The following IKBKB-DT variants were observed in gnomAD, a reference collection of about 807,000 sequenced individuals.
IKBKB-DT encodes IKBKB antisense RNA.
chr8:42,262,498 G>A (rs147555475), intron 3 of IKBKB-DT, among the ~76,000 whole-genome samples: 2,360 of 151,698 alleles, frequency 0.016, 48 homozygotes, highest in African/African-American at 0.055. Context: ...GGAGTACAAC[G>A]GCGCAATCTT....
At chr8:42,262,185 T>A (rs1300263318) in intron 3 of IKBKB-DT, among the ~76,000 whole-genome samples, 7 of 151,850 alleles carry the variant, frequency 4.6e-5, no homozygotes, top group Admixed American at 3.3e-4. Context: ...TAATGCTAGA[T>A]GACAAGTTAG....
At chr8:42,248,214 G>C (rs1807086342) in intron 3 of IKBKB-DT, among the ~76,000 whole-genome samples, 1 of 152,094 alleles carries the variant, frequency 6.6e-6, no homozygotes, top group Non-Finnish European at 1.5e-5. Context: ...TACTATCTCA[G>C]GTATATCTCA....
Position 42,264,974 on chromosome 8 carries a change from C to T in IKBKB-DT, n.1385+641G>A, listed in dbSNP as rs531763203. On this transcript the variant is annotated intron_variant and non_coding_transcript_variant, in intron 2 of 3. Coordinates refer to ENST00000518213, the Ensembl canonical transcript of IKBKB-DT. ...GCCTCCTGGGTTAAAGTGATTCTCC[C>T]GCCTCAGTCTCCCGAGTAACTGGGA... Among the ~76,000 whole-genome samples, 98 of 151,546 alleles carry T rather than the reference C, an allele frequency of 6.5e-4. No individual in the cohort carries two copies. The South Asian group carries it at 0.019, about 30-fold the overall frequency.
intron 3 of IKBKB-DT, among the ~76,000 whole-genome samples, chr8:42,234,996 A>G (rs905708000): frequency 3.3e-5 from 5 of 152,178 alleles, no homozygotes; most frequent in African/African-American, 1.2e-4. Flanking sequence ...ATGAAAGGCC[A>G]CCAAGTTAAG....
chr8:42,249,434 T>TGG (rs1807103103), intron 3 of IKBKB-DT: 1 of 149,640 alleles, frequency 6.7e-6, no homozygotes, highest in African/African-American at 2.6e-5. Flanking sequence ...TGTGTGTGTG[T>TGG]GTGTGTGTGT....
intron 3 of IKBKB-DT, among the ~76,000 whole-genome samples, chr8:42,261,694 A>G (rs1308162512): frequency 6.6e-6 from 1 of 152,184 alleles, no homozygotes; most frequent in Non-Finnish European, 1.5e-5. Context: ...GCAGTCCCCA[A>G]GGCAACTTGG....
chr8:42,244,487 C>A (rs903435782), intron 3 of IKBKB-DT, among the ~76,000 whole-genome samples: 1 of 152,176 alleles, frequency 6.6e-6, no homozygotes, highest in African/African-American at 2.4e-5. Flanking sequence ...ATTCCTTTTA[C>A]TTCTTTTAAT....
chr8:42,260,004 AAGAG>A, intron 3 of IKBKB-DT, among the ~76,000 whole-genome samples: 1 of 151,786 alleles, frequency 6.6e-6, no homozygotes, highest in South Asian at 2.1e-4. Context: ...ACAAAAAAAA[AAGAG>A]AGAGAAAAGA....
intron 3 of IKBKB-DT, among the ~76,000 whole-genome samples, chr8:42,252,749 C>T (rs1807144864): frequency 6.6e-6 from 1 of 152,190 alleles, no homozygotes; most frequent in Admixed American, 6.5e-5. Flanking sequence ...TTCCTCATTC[C>T]TCATACAAAA....
At chr8:42,255,009 C>A (rs1457526348) in intron 3 of IKBKB-DT, among the ~76,000 whole-genome samples, 1 of 151,006 alleles carries the variant, frequency 6.6e-6, no homozygotes, top group African/African-American at 2.4e-5. Context: ...CGGCCACCAC[C>A]CCATCTGGGA....
chr8:42,262,991 T>G (rs1284514703), intron 3 of IKBKB-DT, among the ~76,000 whole-genome samples: 2 of 152,032 alleles, frequency 1.3e-5, no homozygotes, highest in Admixed American at 1.3e-4. Context: ...TCCACCAGCC[T>G]TGGCCTCCCA....
chr8:42,241,715 C>T (rs536667371), intron 3 of IKBKB-DT, among the ~76,000 whole-genome samples: 5 of 152,284 alleles, frequency 3.3e-5, no homozygotes, highest in Non-Finnish European at 7.3e-5. Flanking sequence ...AGCTTCAACC[C>T]TTTGTGGTAG....
At chr8:42,241,714 C>A (rs1807006342) in intron 3 of IKBKB-DT, among the ~76,000 whole-genome samples, 1 of 152,108 alleles carries the variant, frequency 6.6e-6, no homozygotes, top group African/African-American at 2.4e-5. Context: ...AAGCTTCAAC[C>A]CTTTGTGGTA....
intron 3 of IKBKB-DT, among the ~76,000 whole-genome samples, chr8:42,246,794 G>C (rs955002289): frequency 2.6e-5 from 4 of 152,174 alleles, no homozygotes; most frequent in Non-Finnish European, 5.9e-5. Flanking sequence ...AAACTTTTCG[G>C]CACCAGGGAC....
intron 3 of IKBKB-DT, among the ~76,000 whole-genome samples, chr8:42,241,644 C>T (rs1264360236): frequency 3.9e-5 from 6 of 152,140 alleles, no homozygotes; most frequent in African/African-American, 1.4e-4. Flanking sequence ...TTAAAGCAGT[C>T]ATCCTAAAAA....
chr8:42,240,267 T>C (rs1323657160), intron 3 of IKBKB-DT, among the ~76,000 whole-genome samples: 1 of 150,826 alleles, frequency 6.6e-6, no homozygotes, highest in African/African-American at 2.5e-5. Context: ...TTTGTTCCCC[T>C]GTTAGTTACA....
chr8:42,243,635 C>A (rs1807029791), intron 3 of IKBKB-DT, among the ~76,000 whole-genome samples: 1 of 152,138 alleles, frequency 6.6e-6, no homozygotes, highest in Admixed American at 6.6e-5. Flanking sequence ...TATAGCACTC[C>A]ATAAAGCCAC....
intron 3 of IKBKB-DT, among the ~76,000 whole-genome samples, chr8:42,246,325 G>C (rs1379821907): frequency 6.6e-6 from 1 of 152,130 alleles, no homozygotes; most frequent in Non-Finnish European, 1.5e-5. Flanking sequence ...ACAGTGCCCA[G>C]CCCAGATATA....
At chr8:42,236,368 C>T (rs769684004) in intron 3 of IKBKB-DT, among the ~76,000 whole-genome samples, 17 of 152,138 alleles carry the variant, frequency 1.1e-4, no homozygotes, top group Non-Finnish European at 2.1e-4. Context: ...TTTAATATCT[C>T]TCTGTAAAAT....
Sources: gnomAD v4.1 joint callset for allele counts (sites outside exome capture counted in the v4.1 genomes callset) on GRCh38, gnomAD v4.1.1 for gene constraint, MANE v1.5 for transcripts, NCBI Gene and HGNC (gene_info 2026-07-23, HGNC 2026-07-21) for gene names.